SLFN13: variants seen among roughly 807,000 people sequenced by gnomAD.
SLFN13 encodes the protein schlafen-13.
SLFN13 carries 43 observed loss-of-function variants against 50.6 expected under a neutral mutation model. That is an observed-to-expected ratio of 0.85 (90% CI 0.67 to 1.09). The LOEUF is 1.09. Ranked by LOEUF, SLFN13 falls within the 50% of genes least tolerant of loss-of-function variation. The probability of loss-of-function intolerance (pLI) is 0.00; values close to 1 mark genes in which losing one functional copy is unlikely to be tolerated. For synonymous variants in SLFN13, 339 were observed against 386.5 expected (o/e 0.88, Z 1.44); for missense variants, 881 against 1,071.1 (o/e 0.82, Z 2.48).
chr17:35,441,414 G>A (rs528325328), intron 5 of SLFN13, 48 bp from the exon 6 acceptor site: 18 of 1,571,256 alleles, frequency 1.1e-5, no homozygotes, highest in Non-Finnish European at 1.5e-5. Context: ...AGAAAACAAG[G>A]GGAGAAAATG....
In SLFN13 at chr17:35,442,066, G is replaced by A. The variant is rs369864047; in HGVS notation, c.1419C>T (p.Tyr473=). 1.2e-4 allele frequency: 197 copies of A among 1,614,100 alleles called. No individual in the cohort carries two copies. Among genetic ancestry groups the A allele is most frequent in the Non-Finnish European group, 1.6e-4 (192 of 1,179,966 alleles). Residue 473 remains tyrosine (Y), a synonymous_variant, in exon 5 of 6, where the codon TAC becomes TAT. Transcript: ENST00000285013. ...CTGCATCCTGCTCCCTGAGAATGGT[G>A]TAGAGAATGGGGGTGCTGTTCTGTG... ...LIAQNSTPIL[Y]TILREQDAEG...
In SLFN13 at chr17:35,436,961, G is replaced by A. The variant is rs1250077183; in HGVS notation, c.*3634C>T. 6.6e-6 allele frequency: 1 copy of A among 151,960 alleles called. No homozygotes were observed. The highest frequency in any genetic ancestry group is 1.5e-5 in the Non-Finnish European group (1 of 68,002). 9.4% of individuals were successfully genotyped at this position (151,960 alleles called of 1,614,324 possible). On this transcript the variant is annotated 3_prime_UTR_variant, in exon 6 of 6. Coordinates refer to ENST00000285013, the MANE Select transcript of SLFN13 (RefSeq NM_144682.6). ...TCTACAGATTAGATAATAGTATCAG[G>A]GTTAATTTACTGATTTTGATGATGG... is the stretch of plus-strand genomic sequence containing the variant.
In SLFN13 at chr17:35,440,562, T is replaced by G; in HGVS notation, c.*33A>C. The G allele has an allele frequency of 1.9e-6, 3 of 1,609,054 alleles. No individual in the cohort carries two copies. Among genetic ancestry groups the G allele is most frequent in the Non-Finnish European group, 2.6e-6 (3 of 1,176,460 alleles). ...CTGTCACCCATAGACATTTACACAG[T>G]ATTTTGGTTTGGAGTTCTTCCTAAT... On this transcript the variant is annotated 3_prime_UTR_variant, in exon 6 of 6. Transcript: ENST00000285013.
chr17:35,436,856 A>G lies in SLFN13; in HGVS notation c.*3739T>C, dbSNP rs1321747333. On this transcript the variant is annotated 3_prime_UTR_variant, in exon 6 of 6. Coordinates refer to ENST00000285013, the MANE Select transcript of SLFN13 (RefSeq NM_144682.6). ...TCAATACAATGCATGATCTTAGATCAAATCCTGGACCAGAACTTTTTCTCT... is the reference window on the plus strand; with the variant it reads ...TCAATACAATGCATGATCTTAGATCGAATCCTGGACCAGAACTTTTTCTCT... 3.3e-5 allele frequency: 5 copies of G among 152,206 alleles called. No individual in the cohort carries two copies. Among genetic ancestry groups the G allele is most frequent in the African/African-American group, 9.6e-5 (4 of 41,470 alleles). The allele number at this position is 152,206 out of a possible 1,614,324, so 9.4% of individuals were successfully genotyped here.
chr17:35,446,233 T>C (rs1020031012), intron 2 of SLFN13, among the ~76,000 whole-genome samples: 1 of 152,196 alleles, frequency 6.6e-6, no homozygotes, highest in African/African-American at 2.4e-5. Flanking sequence ...GTATTTGGTA[T>C]TAACAAAGCC....
Position 35,441,290 on chromosome 17 carries a change from T to C in SLFN13, c.1999A>G (p.Ile667Val). The C allele has an allele frequency of 1.9e-6, 3 of 1,613,988 alleles. No homozygotes were observed. The highest frequency in any genetic ancestry group is 2.2e-5 in the East Asian group (1 of 44,874). The change falls in exon 6 of 6, where the codon ATT (isoleucine) becomes GTT (valine). Residue 667 changes from isoleucine (I) to valine (V), a missense_variant. Transcript: ENST00000285013. The part of the protein sequence containing the change: ...EKFEHIQHIV[I>V]DEAQNFRTED... ...GTACGGAAATTCTGAGCTTCGTCAA[T>C]GACGATGTGTTGAATGTGTTCAAAT... is the stretch of plus-strand genomic sequence containing the variant.
In SLFN13 at chr17:35,439,858, G is replaced by A. The variant is rs1346501885; in HGVS notation, c.*737C>T. 2 of 152,068 alleles carry A rather than the reference G, an allele frequency of 1.3e-5. No individual in the cohort carries two copies. Among genetic ancestry groups the A allele is most frequent in the African/African-American group, 4.8e-5 (2 of 41,412 alleles). The allele number at this position is 152,068 out of a possible 1,614,324, so 9.4% of individuals were successfully genotyped here. Reference sequence around the variant, plus strand: ...TACACACTTTCAGAACCAGATTTGGGTTTCTAATATTAACTTCTACTGAAA... The same window carrying A: ...TACACACTTTCAGAACCAGATTTGGATTTCTAATATTAACTTCTACTGAAA... On this transcript the variant is annotated 3_prime_UTR_variant, in exon 6 of 6. Coordinates refer to ENST00000285013, the MANE Select transcript of SLFN13 (RefSeq NM_144682.6).
Position 35,445,156 on chromosome 17 carries a change from A to C in SLFN13, c.525T>G (p.Ile175Met). 1 of 1,613,208 alleles carries C rather than the reference A, an allele frequency of 6.2e-7. No homozygotes were observed. The change falls in exon 3 of 6, where the codon ATT (isoleucine) becomes ATG (methionine). Residue 175 changes from isoleucine to methionine, a missense_variant. Ile to Met is a conservative substitution (Grantham distance 10). This residue lies in a region of SLFN13 where 497 missense variants were observed against 518.3 expected (regional missense o/e 0.96). Transcript: ENST00000285013. ...LINEGSPPSK[I>M]MKAVYQNISE... is the part of the protein sequence containing the mutation. ...ATATGTTCTGGTATACAGCTTTCAT[A>C]ATTTTACTAGGTGGAGACCCTTCAT...
chr17:35,444,560 T>C (rs1190283028), intron 3 of SLFN13, 55 bp downstream of exon 3: 1 of 1,445,940 alleles, frequency 6.9e-7, no homozygotes, highest in African/African-American at 1.4e-5. Context: ...AAGAAGGAAG[T>C]GGTATTGGGG....
In SLFN13 at chr17:35,444,929, T is replaced by C. The variant is rs1356357745; in HGVS notation, c.752A>G (p.Asp251Gly). The change falls in exon 3 of 6, where the codon GAT becomes GGT. Residue 251 changes from aspartate to glycine, a missense_variant. Asp to Gly is a moderately conservative substitution (Grantham distance 94). Transcript: ENST00000285013. ...EGGYLFIGVD[D>G]KSRKVLGCAK... is the part of the protein sequence containing the mutation. ...ACATCCCAGGACTTTCCTACTCTTA[T>C]CATCCACTCCAATAAAAAGATAGCC... The C allele has an allele frequency of 2.5e-6, 4 of 1,614,230 alleles. No individual in the cohort carries two copies. The highest frequency in any genetic ancestry group is 3.4e-6 in the Non-Finnish European group (4 of 1,180,044).
chr17:35,447,867 GTTGTTTTGTT>G (rs71152714), intron 1 of SLFN13, among the ~76,000 whole-genome samples: 3 of 150,204 alleles, frequency 2.0e-5, no homozygotes, highest in Admixed American at 6.6e-5. Flanking sequence ...ATTCTGTTTT[GTTGTTTTGTT>G]TTGTTTTGTT....
chr17:35,441,102 T>C lies in SLFN13; in HGVS notation c.2187A>G (p.Arg729=). 1 of 1,614,072 alleles carries C rather than the reference T, an allele frequency of 6.2e-7. No individual in the cohort carries two copies. The highest frequency in any genetic ancestry group is 8.5e-7 in the Non-Finnish European group (1 of 1,180,016). ...CTATTTCATCTGCATTGCGAACTACTCTGGTGAGCTCTTCTCTTGGATACT... is the reference window on the plus strand; with the variant it reads ...CTATTTCATCTGCATTGCGAACTACCCTGGTGAGCTCTTCTCTTGGATACT... ...SAQYPREELT[R]VVRNADEIAE... is the part of the protein sequence containing the mutation. The change falls in exon 6 of 6, where the codon AGA becomes AGG. Residue 729 remains arginine, a synonymous_variant. Transcript: ENST00000285013.
At position 35,447,322 on chromosome 17, in the gene SLFN13, A is replaced by G. The variant is rs1356782397; in HGVS notation, c.-68T>C. The G allele has an allele frequency of 1.3e-5, 2 of 152,216 alleles. No individual in the cohort carries two copies. Among genetic ancestry groups the G allele is most frequent in the Non-Finnish European group, 2.9e-5 (2 of 68,036 alleles). The allele number at this position is 152,216 out of a possible 1,614,324, so 9.4% of individuals were successfully genotyped here. On this transcript the variant is annotated 5_prime_UTR_variant, in exon 2 of 6. Transcript: ENST00000285013. The stretch of plus-strand genomic sequence containing the variant: ...GTTGTATTTACAGAATAACTTTGCT[A>G]GAATTCCTTTCTTAATGTAACCAGA...
Position 35,445,582 on chromosome 17 carries a change from C to A in SLFN13, c.99G>T (p.Lys33Asn). The change falls in exon 3 of 6, where the codon AAG (lysine) becomes AAT (asparagine). Residue 33 changes from lysine to asparagine, a missense_variant. Physicochemically the swap from Lys to Asn is moderately conservative, Grantham distance 94 (BLOSUM62 0). Transcript: ENST00000285013. The part of the protein sequence containing the change: ...EVTLGEENRK[K>N]LQKTQRDQER... ...CTTGGTCTCTCTGAGTTTTCTGTAG[C>A]TTTTTTCTGTTTTCTTCTCCCAGAG... is the stretch of plus-strand genomic sequence containing the variant. 6.2e-7 allele frequency: 1 copy of A among 1,614,054 alleles called. No homozygotes were observed. Among genetic ancestry groups the A allele is most frequent in the Non-Finnish European group, 8.5e-7 (1 of 1,179,998 alleles).
At chr17:35,443,690 C>T in intron 4 of SLFN13, 99 bp downstream of exon 4, 2 of 1,337,396 alleles carry the variant, frequency 1.5e-6, no homozygotes, top group Non-Finnish European at 2.1e-6. Context: ...TCACTGTGTA[C>T]ACCTGGATCT....
rs1373739089 is a variant in SLFN13 at position 35,441,030 on chromosome 17, T to C, written c.2259A>G (p.Pro753=). The C allele has an allele frequency of 3.1e-6, 5 of 1,613,112 alleles. No individual in the cohort carries two copies. Among genetic ancestry groups the C allele is most frequent in the Non-Finnish European group, 4.2e-6 (5 of 1,180,022 alleles). The change falls in exon 6 of 6, where the codon CCA becomes CCG. Residue 753 remains proline (P), a synonymous_variant. Transcript: ENST00000285013. ...QEMQLIIENP[P]INIPHGYLAI... is the part of the protein sequence containing the mutation. ...CCAGATACCCATGGGGGATATTAATTGGAGGATTTTCTATAATTAGTTGCA... is the reference window on the plus strand; with the variant it reads ...CCAGATACCCATGGGGGATATTAATCGGAGGATTTTCTATAATTAGTTGCA...
rs1912794620 is a variant in SLFN13, at chr17:35,440,441, G to C, written c.*154C>G. 2.2e-6 allele frequency: 2 copies of C among 910,916 alleles called. No homozygotes were observed. Among genetic ancestry groups the C allele is most frequent in the African/African-American group, 3.4e-5 (2 of 59,458 alleles). 56.4% of individuals were successfully genotyped at this position (910,916 alleles called of 1,614,324 possible). A position where few individuals can be genotyped will look rare whatever the true frequency, so the allele number is the denominator to read the frequency against. Reference sequence around the variant, plus strand: ...TGGGGGAGGAACCCCTGAAAGGAGAGCCAGAAATGGGGGAGCTCCAAACTC... The same window carrying C: ...TGGGGGAGGAACCCCTGAAAGGAGACCCAGAAATGGGGGAGCTCCAAACTC... On this transcript the variant is annotated 3_prime_UTR_variant, in exon 6 of 6. Coordinates refer to ENST00000285013, the MANE Select transcript of SLFN13 (RefSeq NM_144682.6).
intron 2 of SLFN13, 111 bp downstream of exon 2, chr17:35,447,157 A>G (rs1045847925): frequency 4.6e-5 from 7 of 152,194 alleles, no homozygotes; most frequent in Non-Finnish European, 1.0e-4. Context: ...CTACTTGCAG[A>G]TTCTTTGTAA....
At chr17:35,443,644 C>T in intron 4 of SLFN13, 145 bp downstream of exon 4, 1 of 759,536 alleles carries the variant, frequency 1.3e-6, no homozygotes, top group Non-Finnish European at 2.0e-6. Flanking sequence ...TTTCTAAAGG[C>T]ACCTGAAACT....
Sources: allele counts gnomAD v4.1 joint callset (sites outside exome capture counted in the v4.1 genomes callset), GRCh38; gene constraint gnomAD v4.1.1; regional missense constraint gnomAD v4.1.1; transcripts MANE v1.5; gene names NCBI Gene and HGNC (gene_info 2026-07-23, HGNC 2026-07-21).